Variants in AGBL1 observed in about 807,000 individuals in gnomAD.
AGBL1 encodes AGBL carboxypeptidase 1.
AGBL1 carries 130 observed loss-of-function variants against 118.9 expected under a neutral mutation model. The ratio of observed to expected loss-of-function variants is 1.09; its 90% CI spans 0.95 to 1.26. The LOEUF (loss-of-function observed/expected upper bound fraction) is 1.26, where lower values mean the gene tolerates loss of function less well. AGBL1 is among the 50% of genes most tolerant of loss of function. The pLI is 0.00. For synonymous variants in AGBL1, 555 were observed against 478.9 expected, an observed-to-expected ratio of 1.16 and a Z score of -2.08; for missense variants, 1,584 against 1,298.1, an observed-to-expected ratio of 1.22 and a Z score of -3.38.
intron 22 of AGBL1, among the ~76,000 whole-genome samples, chr15:86,737,898 A>G (rs1438293966): frequency 1.3e-5 from 2 of 150,072 alleles, no homozygotes; most frequent in Non-Finnish European, 3.0e-5. Flanking sequence ...CCCCAACAAA[A>G]TGCTATCAAA....
intron 17 of AGBL1, among the ~76,000 whole-genome samples, chr15:86,393,652 C>T (rs1488282328): frequency 7.0e-6 from 1 of 143,386 alleles, no homozygotes; most frequent in African/African-American, 2.7e-5. Context: ...TCAGTTGTGC[C>T]TAGCTAGCTA....
intron 22 of AGBL1, among the ~76,000 whole-genome samples, chr15:86,723,719 A>G (rs899497023): frequency 3.2e-4 from 48 of 152,190 alleles, no homozygotes; most frequent in African/African-American, 1.1e-3. Context: ...GAACTTATAT[A>G]TGGCAAAAAT....
chr15:87,018,786 T>G (rs551195574), intron 24 of AGBL1, among the ~76,000 whole-genome samples: 1 of 152,132 alleles, frequency 6.6e-6, no homozygotes, highest in African/African-American at 2.4e-5. Flanking sequence ...AAAGCTTAAA[T>G]GTTAATAGGC....
intron 1 of AGBL1, among the ~76,000 whole-genome samples, chr15:86,118,869 A>AAT (rs1304112077): frequency 6.6e-6 from 1 of 152,182 alleles, no homozygotes; most frequent in African/African-American, 2.4e-5. Flanking sequence ...GCATAAGCAT[A>AAT]ATAATAGCAA....
intron 21 of AGBL1, among the ~76,000 whole-genome samples, chr15:86,616,880 T>A (rs1296271989): frequency 3.3e-5 from 5 of 152,192 alleles, no homozygotes; most frequent in Non-Finnish European, 5.9e-5. Context: ...TGTCTTTAGC[T>A]CACAGTAAGT....
chr15:86,189,605 A>G (rs772092764), intron 5 of AGBL1, among the ~76,000 whole-genome samples: 1 of 151,992 alleles, frequency 6.6e-6, no homozygotes, highest in Non-Finnish European at 1.5e-5. Flanking sequence ...AGAGCCTGGC[A>G]CTTCCCTCCT....
At chr15:86,205,658 G>A (rs1482989884) in intron 5 of AGBL1, among the ~76,000 whole-genome samples, 1 of 152,160 alleles carries the variant, frequency 6.6e-6, no homozygotes, top group Non-Finnish European at 1.5e-5. Flanking sequence ...TAATAGGTAT[G>A]TATTGGTATT....
intron 6 of AGBL1, among the ~76,000 whole-genome samples, chr15:86,231,434 G>A (rs192504693): frequency 2.0e-5 from 3 of 152,344 alleles, no homozygotes; most frequent in Admixed American, 2.0e-4. Flanking sequence ...GGAGAAGCAT[G>A]CAGTATATTT....
At chr15:86,780,946 G>A (rs1319836135) in intron 22 of AGBL1, among the ~76,000 whole-genome samples, 1 of 152,006 alleles carries the variant, frequency 6.6e-6, no homozygotes, top group Non-Finnish European at 1.5e-5. Context: ...AGGATTACAG[G>A]CATGAGCCAC....
chr15:86,849,027 G>C (rs1221717586), intron 22 of AGBL1, among the ~76,000 whole-genome samples: 1 of 152,170 alleles, frequency 6.6e-6, no homozygotes, highest in African/African-American at 2.4e-5. Context: ...ACTGGAGTTT[G>C]AGCAGGGATC....
chr15:86,156,671 T>C (rs2077195737), intron 4 of AGBL1, among the ~76,000 whole-genome samples: 1 of 152,172 alleles, frequency 6.6e-6, no homozygotes, highest in Non-Finnish European at 1.5e-5. Context: ...TTTCCCTTAG[T>C]CTTTTGAAAT....
At chr15:86,185,311 C>G (rs558440622) in intron 5 of AGBL1, among the ~76,000 whole-genome samples, 14 of 152,288 alleles carry the variant, frequency 9.2e-5, no homozygotes, top group African/African-American at 3.1e-4. Flanking sequence ...GTTGGTGGCA[C>G]TGTAAACTAG....
At position 86,264,695 on chromosome 15, in the gene AGBL1, C is replaced by G. The variant is rs199539728; in HGVS notation, c.1524C>G (p.Phe508Leu). Reference protein sequence around the residue: ...LLQTHLKRVPFHDPYLYMAKA... With the variant: ...LLQTHLKRVPLHDPYLYMAKA... ...AGACACATCTGAAGCGTGTCCCTTT[C>G]CACGATCCCTATCTTTATATGGCCA... is the stretch of plus-strand genomic sequence containing the variant. The change falls in exon 11 of 23, where the codon TTC becomes TTG. Residue 508 changes from phenylalanine (F) to leucine (L), a missense_variant. Phe to Leu is a conservative substitution (Grantham distance 22, BLOSUM62 0). Transcript: ENST00000614907. The G allele has an allele frequency of 1.8e-5, 29 of 1,614,002 alleles. No homozygotes were observed. Among genetic ancestry groups the G allele is most frequent in the Non-Finnish European group, 2.3e-5 (27 of 1,179,888 alleles).
chr15:86,336,977 C>T (rs1318891017), intron 17 of AGBL1, among the ~76,000 whole-genome samples: 1 of 142,192 alleles, frequency 7.0e-6, no homozygotes, highest in Non-Finnish European at 1.5e-5. Flanking sequence ...GGCCACAAGA[C>T]TCTGTATTTC....
chr15:86,793,660 A>G (rs531877238), intron 22 of AGBL1, among the ~76,000 whole-genome samples: 35 of 152,360 alleles, frequency 2.3e-4, no homozygotes, highest in African/African-American at 8.2e-4. Context: ...AAAGGAAACT[A>G]TCAAGAAAGT....
intron 18 of AGBL1, among the ~76,000 whole-genome samples, chr15:86,498,117 C>G (rs983642574): frequency 2.6e-5 from 4 of 151,772 alleles, no homozygotes; most frequent in Admixed American, 6.6e-5. Context: ...AAGATAGGGT[C>G]CTTCATTTCA....
intron 5 of AGBL1, among the ~76,000 whole-genome samples, chr15:86,170,244 A>G (rs939121342): frequency 1.3e-5 from 2 of 152,240 alleles, no homozygotes; most frequent in Admixed American, 1.3e-4. Flanking sequence ...GGATTGAATT[A>G]AAGAAAATTA....
At position 86,466,961 on chromosome 15, in the gene AGBL1, T is replaced by C. The variant is rs1596150306; in HGVS notation, c.2556-55849T>C. Among the ~76,000 whole-genome samples the C allele has an allele frequency of 5.3e-5, 8 of 152,350 alleles. No individual in the cohort carries two copies. The South Asian group carries it at 1.7e-3, about 32-fold the overall frequency. ...GGAGTCATGGGGATCAGGGACCCAC[T>C]TGAGGAGGCAGTCTGTCCCTTAGCA... On this transcript the variant is annotated intron_variant, in intron 18 of 22. Transcript: ENST00000614907.
chr15:86,310,285 A>C (rs1167789525), intron 17 of AGBL1, among the ~76,000 whole-genome samples: 9 of 152,076 alleles, frequency 5.9e-5, no homozygotes, highest in African/African-American at 9.7e-5. Flanking sequence ...CTCTTGTTTA[A>C]AATTTTATTT....
Sources: allele counts gnomAD v4.1 joint callset (sites outside exome capture counted in the v4.1 genomes callset), GRCh38; gene constraint gnomAD v4.1.1; transcripts MANE v1.5; gene names NCBI Gene and HGNC (gene_info 2026-07-23, HGNC 2026-07-21).